PCDHA11: variants seen among roughly 807,000 people sequenced by gnomAD.
PCDHA11 encodes the protein protocadherin alpha 11.
Under a neutral mutation model 70.3 loss-of-function variants are expected in PCDHA11, and 61 were observed. The observed-to-expected ratio is 0.87, with a 90% CI of 0.71 to 1.07. PCDHA11 has a LOEUF of 1.07. Ranked by LOEUF, PCDHA11 falls within the 50% of genes least tolerant of loss-of-function variation. PCDHA11 has a pLI of 0.00. For synonymous variants in PCDHA11, 633 were observed against 555.1 expected, an observed-to-expected ratio of 1.14 and a Z score of -1.97; for missense variants, 1,324 against 1,237.5, an observed-to-expected ratio of 1.07 and a Z score of -1.05.
chr5:140,883,622 G>A, intron 1 of PCDHA11: 4 of 1,614,004 alleles, frequency 2.5e-6, no homozygotes, highest in Non-Finnish European at 3.4e-6. Context: ...GAACGACAAC[G>A]CGCCGGCGTT....
intron 1 of PCDHA11, chr5:140,876,345 T>C (rs2056299947): frequency 6.2e-7 from 1 of 1,614,024 alleles, no homozygotes; most frequent in Non-Finnish European, 8.5e-7. Context: ...GTGAGAAATG[T>C]ATGTTTTCAA....
rs782417854 is a variant in PCDHA11 at position 140,967,777 on chromosome 5, G to T, written c.2392-11172G>T. On this transcript the variant is annotated intron_variant, in intron 1 of 3. Transcript: ENST00000398640. The stretch of plus-strand genomic sequence containing the variant: ...CCTCCTACCAGATCTATGTGCAGGC[G>T]ACTGACCGGGGTCCAGTGCCCATGG... 2.5e-6 allele frequency: 4 copies of T among 1,614,186 alleles called. No individual in the cohort carries two copies. The South Asian group carries it at 4.4e-5, about 18-fold the overall frequency.
chr5:140,967,029 G>A, intron 1 of PCDHA11: 1 of 1,609,056 alleles, frequency 6.2e-7, no homozygotes, highest in Non-Finnish European at 8.5e-7. Flanking sequence ...CCCAGTCCGC[G>A]CTACCTGGAG....
At chr5:140,966,198 T>C in intron 1 of PCDHA11, 1 of 214,428 alleles carries the variant, frequency 4.7e-6, no homozygotes, top group Non-Finnish European at 9.1e-6. Context: ...TTCTAGGGGC[T>C]TGACTGCTTT....
chr5:140,880,920 A>G (rs1189539222), intron 1 of PCDHA11, among the ~76,000 whole-genome samples: 1 of 152,228 alleles, frequency 6.6e-6, no homozygotes, highest in Non-Finnish European at 1.5e-5. Flanking sequence ...GAGAAATACT[A>G]TGTTAGTAAA....
At chr5:140,982,711 A>T (rs370595783) in intron 3 of PCDHA11, 148 bp downstream of exon 3, 2 of 1,370,268 alleles carry the variant, frequency 1.5e-6, no homozygotes, top group African/African-American at 2.9e-5. Context: ...TTCCTTACAT[A>T]TATGATTATT....
At chr5:140,968,455 G>C in intron 1 of PCDHA11, 2 of 1,614,084 alleles carry the variant, frequency 1.2e-6, no homozygotes, top group Non-Finnish European at 1.7e-6. Context: ...GCAGCACTGT[G>C]ACTGCCAACG....
At chr5:140,925,941 G>A (rs1311329302) in intron 1 of PCDHA11, among the ~76,000 whole-genome samples, 2 of 138,504 alleles carry the variant, frequency 1.4e-5, no homozygotes, top group South Asian at 2.1e-4. Flanking sequence ...GAGCCTCTTG[G>A]AGAAGGAGAA....
chr5:140,942,990 C>T (rs1460211642), intron 1 of PCDHA11, among the ~76,000 whole-genome samples: 4 of 151,892 alleles, frequency 2.6e-5, no homozygotes, highest in Non-Finnish European at 5.9e-5. Context: ...GGTGTGGTGG[C>T]TCATGCCTGT....
chr5:140,930,925 G>T (rs1271801364), intron 1 of PCDHA11, among the ~76,000 whole-genome samples: 7 of 152,158 alleles, frequency 4.6e-5, no homozygotes, highest in Admixed American at 4.6e-4. Flanking sequence ...ATGTGTATAT[G>T]TGGTTAACAG....
At chr5:140,990,272 C>T (rs568200508) in intron 3 of PCDHA11, among the ~76,000 whole-genome samples, 12 of 152,196 alleles carry the variant, frequency 7.9e-5, no homozygotes, top group African/African-American at 1.4e-4. Flanking sequence ...CAATGTACCC[C>T]GGGTCTTGAG....
At chr5:140,930,209 T>C (rs752393887) in intron 1 of PCDHA11, 4 of 152,266 alleles carry the variant, frequency 2.6e-5, no homozygotes, top group Non-Finnish European at 5.9e-5. Flanking sequence ...GAAATATTTA[T>C]GTGTTCAAAG....
chr5:140,873,065 C>G (rs1436390392), intron 1 of PCDHA11, among the ~76,000 whole-genome samples: 3 of 152,140 alleles, frequency 2.0e-5, no homozygotes, highest in Admixed American at 2.0e-4. Context: ...TCTTGAGAAT[C>G]ATATCTAGCT....
At chr5:140,994,036 A>G (rs1176195849) in intron 3 of PCDHA11, among the ~76,000 whole-genome samples, 1 of 152,210 alleles carries the variant, frequency 6.6e-6, no homozygotes, top group African/African-American at 2.4e-5. Flanking sequence ...AATATTAAAT[A>G]TAACACAGTC....
chr5:140,959,646 G>A (rs1222418847), intron 1 of PCDHA11, among the ~76,000 whole-genome samples: 5 of 152,010 alleles, frequency 3.3e-5, no homozygotes, highest in Admixed American at 6.6e-5. Context: ...AAACACAGAA[G>A]CAAAATTGAA....
intron 1 of PCDHA11, chr5:140,883,594 G>T: frequency 1.9e-6 from 3 of 1,614,032 alleles, no homozygotes; most frequent in Non-Finnish European, 2.5e-6. Context: ...CCAGCGTGTC[G>T]GTGGGGGTGG....
chr5:140,897,080 A>AT lies in PCDHA11; in HGVS notation c.2391+25592dup, dbSNP rs201233181. The stretch of plus-strand genomic sequence containing the variant: ...ATACTATGTCTTATTCATTTTTTCT[A>AT]TTTTTTATCCTCATTAAAAATCTCC... On this transcript the variant is annotated intron_variant, in intron 1 of 3. Transcript: ENST00000398640. 8.0e-3 allele frequency among the ~76,000 whole-genome samples: 1,212 copies of AT among 152,020 alleles called. 6 individuals carry two copies. Among genetic ancestry groups the AT allele is most frequent in the African/African-American group, 0.019 (783 of 41,452 alleles).
intron 1 of PCDHA11, among the ~76,000 whole-genome samples, chr5:140,938,344 G>A (rs569264531): frequency 6.6e-6 from 1 of 152,264 alleles, no homozygotes; most frequent in Non-Finnish European, 1.5e-5. Context: ...GGATAATCTT[G>A]TCTTATTCCT....
rs2098415068 is a variant in PCDHA11, at chr5:141,009,865, AAAG to A, written c.2785_2787del (p.Lys929del). The A allele has an allele frequency of 3.1e-6, 5 of 1,614,074 alleles. No homozygotes were observed. The highest frequency in any genetic ancestry group is 4.5e-5 in the East Asian group (2 of 44,872). On this transcript the variant is annotated inframe_deletion, in exon 4 of 4. Transcript: ENST00000398640. ...AGGAGGAGACCAAGAAAAAGAAGAA[AAAG>A]AAGAAGGGTAACAAGACCCAGGAGA...
Sources: allele counts gnomAD v4.1 joint callset (sites outside exome capture counted in the v4.1 genomes callset), GRCh38; gene constraint gnomAD v4.1.1; transcripts MANE v1.5; gene names NCBI Gene and HGNC (gene_info 2026-07-23, HGNC 2026-07-21).